Variants in SLC24A2 observed in about 807,000 individuals in gnomAD.
SLC24A2 encodes solute carrier family 24 member 2.
A neutral mutation model predicts 62.0 loss-of-function variants in SLC24A2; 36 were observed. The ratio of observed to expected loss-of-function variants is 0.58; its 90% confidence interval spans 0.44 to 0.77. The LOEUF (loss-of-function observed/expected upper bound fraction) is 0.77, where lower values mean the gene tolerates loss of function less well. SLC24A2 is among the 30% of genes least tolerant of loss of function. The pLI, the probability that SLC24A2 is intolerant of heterozygous loss-of-function variation, is 0.00. For synonymous variants in SLC24A2, 358 were observed against 294.0 expected, an observed-to-expected ratio of 1.22 and a Z score of -2.23; for missense variants, 846 against 817.9, an observed-to-expected ratio of 1.03 and a Z score of -0.42.
At chr9:19,789,421 G>A (rs1181756313), upstream of SLC24A2, among the ~76,000 whole-genome samples, 1 of 152,236 alleles carries the variant, frequency 6.6e-6, no homozygotes, top group African/African-American at 2.4e-5. Flanking sequence ...GTGTAATGGT[G>A]GAAAAGACGT....
chr9:19,692,168 A>G (rs1382330383), intron 2 of SLC24A2, among the ~76,000 whole-genome samples: 1 of 152,182 alleles, frequency 6.6e-6, no homozygotes, highest in Non-Finnish European at 1.5e-5. Context: ...ATGCATAACT[A>G]AAAGTATAAT....
At chr9:20,287,053 G>T in the SLC24A2 span, among the ~76,000 whole-genome samples, 1,774 of 152,316 alleles carry the variant, frequency 0.012, 17 homozygotes, top group Non-Finnish European at 0.02. Flanking sequence ...AGGCCCGGAG[G>T]TCTGCTTCCT....
At chr9:19,565,159 A>G (rs1835595205) in intron 7 of SLC24A2, among the ~76,000 whole-genome samples, 1 of 152,186 alleles carries the variant, frequency 6.6e-6, no homozygotes, top group Non-Finnish European at 1.5e-5. Context: ...TTAGGAAAAG[A>G]GGAAGTCAAA....
At chr9:19,743,400 C>T (rs2118776105) in intron 2 of SLC24A2, among the ~76,000 whole-genome samples, 1 of 152,240 alleles carries the variant, frequency 6.6e-6, no homozygotes, top group Admixed American at 6.5e-5. Flanking sequence ...TTCTGCAATT[C>T]TTAAAGCAAA....
chr9:19,920,694 C>T, the SLC24A2 span, among the ~76,000 whole-genome samples: 29 of 152,282 alleles, frequency 1.9e-4, no homozygotes, highest in South Asian at 6.2e-4. Context: ...TAACTCTCCA[C>T]GCTTCCCACT....
At chr9:20,231,793 G>C in the SLC24A2 span, among the ~76,000 whole-genome samples, 1 of 147,436 alleles carries the variant, frequency 6.8e-6, no homozygotes, top group Non-Finnish European at 1.5e-5. Flanking sequence ...TGGTGAGAGA[G>C]GGCATCCCTG....
chr9:20,262,609 G>A, the SLC24A2 span, among the ~76,000 whole-genome samples: 2 of 152,156 alleles, frequency 1.3e-5, no homozygotes, highest in Non-Finnish European at 2.9e-5. Flanking sequence ...CAACTGGGGA[G>A]GTGCTTATTT....
At chr9:20,034,451 GTTTTTTTTTTT>G in the SLC24A2 span, among the ~76,000 whole-genome samples, 1 of 83,180 alleles carries the variant, frequency 1.2e-5, no homozygotes, top group African/African-American at 5.3e-5. Flanking sequence ...GGCCTTTTAA[GTTTTTTTTTTT>G]TTTTTTTTTT....
At chr9:19,587,291 T>C (rs540238886) in intron 5 of SLC24A2, among the ~76,000 whole-genome samples, 1 of 152,314 alleles carries the variant, frequency 6.6e-6, no homozygotes, top group South Asian at 2.1e-4. Flanking sequence ...CAATCATTTA[T>C]TTTATTGTAA....
chr9:19,589,019 G>C (rs1202468792), intron 5 of SLC24A2, among the ~76,000 whole-genome samples: 2 of 152,126 alleles, frequency 1.3e-5, no homozygotes, highest in African/African-American at 4.8e-5. Context: ...GCATAAATTG[G>C]TGCAATTGTT....
In SLC24A2 at chr9:19,577,042, C is replaced by A; in HGVS notation, c.1130-20G>T. Reference sequence around the variant, plus strand: ...ACCTCCCTGAAGCAAAAGAAAGTGGCAGGAAGGAGACACAATGAGAAAGAA... The same window carrying A: ...ACCTCCCTGAAGCAAAAGAAAGTGGAAGGAAGGAGACACAATGAGAAAGAA... On this transcript the variant is annotated intron_variant, in intron 5 of 10. Coordinates refer to ENST00000341998, the MANE Select transcript of SLC24A2 (RefSeq NM_020344.4). The A allele has an allele frequency of 6.3e-7, 1 of 1,595,846 alleles. No individual in the cohort carries two copies.
At chr9:20,129,827 T>C in the SLC24A2 span, among the ~76,000 whole-genome samples, 6 of 151,966 alleles carry the variant, frequency 3.9e-5, no homozygotes, top group Admixed American at 1.3e-4. Flanking sequence ...TCCTTTGGTA[T>C]TCAGGAAAAT....
the SLC24A2 span, among the ~76,000 whole-genome samples, chr9:20,062,742 T>C: frequency 8.1e-6 from 1 of 123,378 alleles, no homozygotes; most frequent in East Asian, 3.2e-4. Context: ...AACCTACTCA[T>C]CTGACAAAGG....
At chr9:19,901,124 T>G in the SLC24A2 span, among the ~76,000 whole-genome samples, 1 of 152,188 alleles carries the variant, frequency 6.6e-6, no homozygotes, top group Admixed American at 6.5e-5. Context: ...TCACCTGTCA[T>G]GTGCCAGATG....
chr9:19,861,569 C>G, the SLC24A2 span, among the ~76,000 whole-genome samples: 1 of 152,072 alleles, frequency 6.6e-6, no homozygotes, highest in Non-Finnish European at 1.5e-5. Flanking sequence ...AAAACATGAC[C>G]TCATTAGATG....
rs1210432995 is a variant in SLC24A2, at chr9:19,513,493, C to T, written c.*2660G>A. 1 of 152,006 alleles carries T rather than the reference C, an allele frequency of 6.6e-6. No individual in the cohort carries two copies. The highest frequency in any genetic ancestry group is 1.5e-5 in the Non-Finnish European group (1 of 68,032). The allele number at this position is 152,006 out of a possible 1,614,324, so 9.4% of individuals were successfully genotyped here. On this transcript the variant is annotated 3_prime_UTR_variant, in exon 11 of 11. Coordinates refer to ENST00000341998, the MANE Select transcript of SLC24A2 (RefSeq NM_020344.4). ...GCACATGACTGATGTGGGAACGGGG[C>T]TTGGAAATTTTGTCTTCTCAAATGC...
At chr9:20,047,733 C>T in the SLC24A2 span, among the ~76,000 whole-genome samples, 2 of 150,646 alleles carry the variant, frequency 1.3e-5, no homozygotes, top group Non-Finnish European at 3.0e-5. Context: ...CTAATCCCAA[C>T]CACGAGGGCC....
At chr9:19,884,884 G>A in the SLC24A2 span, among the ~76,000 whole-genome samples, 4 of 152,136 alleles carry the variant, frequency 2.6e-5, no homozygotes, top group Admixed American at 2.0e-4. Context: ...TAGGTTAGGG[G>A]TATTAAATAC....
chr9:19,607,465 C>T (rs535865830), intron 4 of SLC24A2, among the ~76,000 whole-genome samples: 1 of 152,088 alleles, frequency 6.6e-6, no homozygotes, highest in African/African-American at 2.4e-5. Flanking sequence ...AGCTGTAATC[C>T]CAGCACATTG....
Sources: allele counts gnomAD v4.1 joint callset (sites outside exome capture counted in the v4.1 genomes callset), GRCh38; gene constraint gnomAD v4.1.1; transcripts MANE v1.5; gene names NCBI Gene and HGNC (gene_info 2026-07-23, HGNC 2026-07-21).